Variants in MAPK1IP1L observed in about 807,000 individuals in gnomAD.
MAPK1IP1L encodes MAPK-interacting and spindle-stabilizing protein-like.
In MAPK1IP1L, 10 loss-of-function variants were observed where a neutral mutation model predicts 18.1. The observed-to-expected ratio is 0.55, with a 90% CI of 0.34 to 0.94. The LOEUF is 0.94. Ranked by LOEUF, MAPK1IP1L falls within the 40% of genes least tolerant of loss-of-function variation. MAPK1IP1L has a pLI of 0.02. For missense variants in MAPK1IP1L, 260 were observed against 318.2 expected (o/e 0.82, Z 1.39); for synonymous variants, 115 against 117.3 (o/e 0.98, Z 0.13).
chr14:55,056,042 G>A (rs905586256), intron 1 of MAPK1IP1L, among the ~76,000 whole-genome samples: 8 of 152,168 alleles, frequency 5.3e-5, no homozygotes, highest in South Asian at 2.1e-4. Flanking sequence ...TAACATGAAC[G>A]CTGTTTATTC....
At chr14:55,059,507 G>T (rs989345256) in intron 1 of MAPK1IP1L, among the ~76,000 whole-genome samples, 10 of 152,190 alleles carry the variant, frequency 6.6e-5, no homozygotes, top group African/African-American at 2.2e-4. Flanking sequence ...AGCCCAGAAG[G>T]TCGAGTCTGC....
chr14:55,055,205 G>A (rs1312604018), intron 1 of MAPK1IP1L, among the ~76,000 whole-genome samples: 1 of 151,948 alleles, frequency 6.6e-6, no homozygotes, highest in African/African-American at 2.4e-5. Flanking sequence ...GGCCTCAAGC[G>A]GTCTTCCCAC....
Position 55,068,926 on chromosome 14 carries a change from A to G in MAPK1IP1L, c.*4299A>G, listed in dbSNP as rs1440875691. ...TTTGTTAGCATACCCATTCATTATT[A>G]GTTTTACCTAAACGTGTTAGGATCA... On this transcript the variant is annotated 3_prime_UTR_variant, in exon 4 of 4. Transcript: ENST00000395468. 6.6e-6 allele frequency: 1 copy of G among 152,080 alleles called. No homozygotes were observed. Among genetic ancestry groups the G allele is most frequent in the African/African-American group, 2.4e-5 (1 of 41,400 alleles). The allele number at this position is 152,080 out of a possible 1,614,324, so 9.4% of individuals were successfully genotyped here. A position where few individuals can be genotyped will look rare whatever the true frequency, so the allele number is the denominator to read the frequency against.
intron 1 of MAPK1IP1L, among the ~76,000 whole-genome samples, chr14:55,057,150 C>T (rs1196021913): frequency 1.3e-5 from 2 of 152,208 alleles, no homozygotes; most frequent in African/African-American, 2.4e-5. Context: ...TAAACATTAG[C>T]ATTCCCAGGA....
chr14:55,064,828 G>A lies in MAPK1IP1L; in HGVS notation c.*201G>A, dbSNP rs752591264. On this transcript the variant is annotated 3_prime_UTR_variant, in exon 4 of 4. Transcript: ENST00000395468. Reference sequence around the variant, plus strand: ...TATACAATCAGATAAAAGCATAGAAGTAAATCATTCGGATGTGATTTTTAT... The same window carrying A: ...TATACAATCAGATAAAAGCATAGAAATAAATCATTCGGATGTGATTTTTAT... 16 of 446,632 alleles carry A rather than the reference G, an allele frequency of 3.6e-5. No homozygotes were observed. Among genetic ancestry groups the A allele is most frequent in the Non-Finnish European group, 6.1e-5 (15 of 246,606 alleles). 27.7% of individuals were successfully genotyped at this position (446,632 alleles called of 1,614,324 possible). A position where few individuals can be genotyped will look rare whatever the true frequency, so the allele number is the denominator to read the frequency against.
rs117105155 is a variant in MAPK1IP1L at position 55,068,080 on chromosome 14, C to G, written c.*3453C>G. 2 of 152,160 alleles carry G rather than the reference C, an allele frequency of 1.3e-5. No homozygotes were observed. The highest frequency in any genetic ancestry group is 2.9e-5 in the Non-Finnish European group (2 of 68,046). The allele number at this position is 152,160 out of a possible 1,614,324, so 9.4% of individuals were successfully genotyped here. ...TCATCTTTTCATGCTTTTGAAGACACCATTTACAGCTCTGACTCAGCCCTA... is the reference window on the plus strand; with the variant it reads ...TCATCTTTTCATGCTTTTGAAGACAGCATTTACAGCTCTGACTCAGCCCTA... On this transcript the variant is annotated 3_prime_UTR_variant, in exon 4 of 4. Coordinates refer to ENST00000395468, the MANE Select transcript of MAPK1IP1L (RefSeq NM_144578.4).
At chr14:55,052,170 C>T (rs1270018030) in intron 1 of MAPK1IP1L, among the ~76,000 whole-genome samples, 1 of 149,556 alleles carries the variant, frequency 6.7e-6, no homozygotes, top group African/African-American at 2.4e-5. Flanking sequence ...CCGGTTCGCT[C>T]CGGTTGATCC....
intron 1 of MAPK1IP1L, among the ~76,000 whole-genome samples, chr14:55,056,638 T>C (rs1296461732): frequency 6.6e-6 from 1 of 152,170 alleles, no homozygotes; most frequent in Non-Finnish European, 1.5e-5. Flanking sequence ...GCCTCCTGAG[T>C]AGCTGGGACT....
chr14:55,067,967 A>C lies in MAPK1IP1L; in HGVS notation c.*3340A>C, dbSNP rs993758460. 17 of 152,024 alleles carry C rather than the reference A, an allele frequency of 1.1e-4. No individual in the cohort carries two copies. The highest frequency in any genetic ancestry group is 3.9e-4 in the African/African-American group (16 of 41,402). 9.4% of individuals were successfully genotyped at this position (152,024 alleles called of 1,614,324 possible). A position where few individuals can be genotyped will look rare whatever the true frequency, so the allele number is the denominator to read the frequency against. On this transcript the variant is annotated 3_prime_UTR_variant, in exon 4 of 4. Transcript: ENST00000395468. ...CAAAAAGACAAAAATTAAAACATAG[A>C]CCTTAGGTCGTCATTCACACCCGGT...
rs1220932220 is a variant in MAPK1IP1L, at chr14:55,063,205, A to G, written c.606A>G (p.Pro202=). 1.2e-6 allele frequency: 2 copies of G among 1,614,002 alleles called. No homozygotes were observed. Among genetic ancestry groups the G allele is most frequent in the African/African-American group, 2.7e-5 (2 of 74,892 alleles). The change falls in exon 3 of 4, where the codon CCA becomes CCG. Residue 202 remains proline (P), a synonymous_variant. Coordinates refer to ENST00000395468, the MANE Select transcript of MAPK1IP1L (RefSeq NM_144578.4). The stretch of plus-strand genomic sequence containing the variant: ...TTCCACCAGGAGCCTGGGGACCACC[A>G]GCACCATATCCTGCCCCTACAGGAT... ...GTVPPGAWGP[P]APYPAPTGSY...
chr14:55,054,527 C>G (rs2042755953), intron 1 of MAPK1IP1L, among the ~76,000 whole-genome samples: 1 of 152,158 alleles, frequency 6.6e-6, no homozygotes, highest in Admixed American at 6.5e-5. Context: ...CTTAATTTCG[C>G]CTAACAAATA....
At chr14:55,063,567 G>A (rs1276809747) in intron 3 of MAPK1IP1L, among the ~76,000 whole-genome samples, 1 of 152,212 alleles carries the variant, frequency 6.6e-6, no homozygotes, top group Middle Eastern at 3.2e-3. Context: ...ACTTTGTAAT[G>A]TAGTAAGCAG....
In MAPK1IP1L at chr14:55,069,497, T is replaced by C. The variant is rs2042889892; in HGVS notation, c.*4870T>C. On this transcript the variant is annotated 3_prime_UTR_variant, in exon 4 of 4. Transcript: ENST00000395468. ...TTTAAGATAAACTTGTTTGCTTTTG[T>C]GTATTATACCTGGAAACTTTTTTTA... The C allele has an allele frequency of 6.6e-6, 1 of 152,652 alleles. No individual in the cohort carries two copies. Among genetic ancestry groups the C allele is most frequent in the Non-Finnish European group, 1.5e-5 (1 of 68,042 alleles). 9.5% of individuals were successfully genotyped at this position (152,652 alleles called of 1,614,324 possible). A position where few individuals can be genotyped will look rare whatever the true frequency, so the allele number is the denominator to read the frequency against.
chr14:55,061,627 G>T, intron 1 of MAPK1IP1L, 53 bp from the exon 2 acceptor site: 1 of 1,279,032 alleles, frequency 7.8e-7, no homozygotes, highest in South Asian at 1.3e-5. Context: ...AAGAAATGGT[G>T]AACACTGATT....
At chr14:55,062,523 C>T in intron 2 of MAPK1IP1L, 95 bp from the exon 3 acceptor site, 2 of 976,440 alleles carry the variant, frequency 2.0e-6, no homozygotes, top group Non-Finnish European at 1.5e-6. Context: ...GTTTATAATC[C>T]CTGCCCCTAT....
chr14:55,051,895 C>T (rs1288982309), intron 1 of MAPK1IP1L, 92 bp downstream of exon 1: 5 of 415,760 alleles, frequency 1.2e-5, no homozygotes, highest in African/African-American at 2.2e-5. Context: ...GGGAAGCGGG[C>T]GCGGTGACCG....
rs1003066406 is a variant in MAPK1IP1L, at chr14:55,064,954, GATT to G, written c.*331_*333del. 40 of 224,902 alleles carry G rather than the reference GATT, an allele frequency of 1.8e-4. No homozygotes were observed. The highest frequency in any genetic ancestry group is 4.6e-4 in the Admixed American group (8 of 17,450). The allele number at this position is 224,902 out of a possible 1,614,324, so 13.9% of individuals were successfully genotyped here. On this transcript the variant is annotated 3_prime_UTR_variant, in exon 4 of 4. Transcript: ENST00000395468. ...TACACACTTAAAAATCTAAGATGTG[GATT>G]ATTGTTAGAATCTGCAACTTCATTG...
At chr14:55,052,544 G>A (rs2042739003) in intron 1 of MAPK1IP1L, among the ~76,000 whole-genome samples, 1 of 152,134 alleles carries the variant, frequency 6.6e-6, no homozygotes, top group Admixed American at 6.5e-5. Flanking sequence ...GCTTTTAATA[G>A]GTAAAGATTC....
intron 1 of MAPK1IP1L, among the ~76,000 whole-genome samples, chr14:55,057,604 A>G (rs1371529437): frequency 6.6e-6 from 1 of 152,116 alleles, no homozygotes; most frequent in Non-Finnish European, 1.5e-5. Context: ...TAAAAATACA[A>G]AAATTAGTGG....
Sources: gnomAD v4.1 joint callset for allele counts (sites outside exome capture counted in the v4.1 genomes callset) on GRCh38, gnomAD v4.1.1 for gene constraint, MANE v1.5 for transcripts, NCBI Gene and HGNC (gene_info 2026-07-23, HGNC 2026-07-21) for gene names.